LRRK1: variants seen among roughly 807,000 people sequenced by gnomAD.
LRRK1 encodes the protein leucine-rich repeat serine/threonine-protein kinase 1.
A neutral mutation model predicts 209.1 loss-of-function variants in LRRK1; 113 were observed. The observed-to-expected ratio is 0.54, with a 90% CI of 0.46 to 0.63. LRRK1 has a LOEUF of 0.63. Among genes scored for constraint, LRRK1 ranks in the 30% least tolerant of loss-of-function variants. The pLI is 0.00. For missense variants in LRRK1, 2,284 were observed against 2,632.2 expected (o/e 0.87, Z 2.89); for synonymous variants, 1,144 against 1,099.7 (o/e 1.04, Z -0.80).
chr15:100,932,579 T>G (rs552222663), intron 2 of LRRK1, among the ~76,000 whole-genome samples: 9 of 152,286 alleles, frequency 5.9e-5, no homozygotes, highest in African/African-American at 2.2e-4. Context: ...TTAAAAATTA[T>G]CAAAGGAAGG....
chr15:100,962,315 A>C (rs2030037174), intron 2 of LRRK1, among the ~76,000 whole-genome samples: 1 of 152,196 alleles, frequency 6.6e-6, no homozygotes, highest in Non-Finnish European at 1.5e-5. Context: ...GGATCACTTG[A>C]GGTCAGGAGT....
chr15:101,012,171 C>T (rs755452688), intron 10 of LRRK1, 26 bp downstream of exon 10: 1 of 1,571,398 alleles, frequency 6.4e-7, no homozygotes. Flanking sequence ...CTTTCTTTCT[C>T]ATTTTCGGCT....
intron 20 of LRRK1, chr15:101,044,196 A>C (rs1054421447): frequency 3.3e-5 from 5 of 152,332 alleles, no homozygotes; most frequent in African/African-American, 1.2e-4. Context: ...ACCTGCAGTG[A>C]ACCCCTCCAG....
chr15:100,968,302 G>T (rs555192116), intron 2 of LRRK1, among the ~76,000 whole-genome samples: 5 of 152,320 alleles, frequency 3.3e-5, no homozygotes, highest in African/African-American at 9.6e-5. Context: ...GAATAAGGCT[G>T]CTGTGAATAT....
chr15:101,011,356 G>A (rs984538461), intron 9 of LRRK1, among the ~76,000 whole-genome samples: 1 of 151,268 alleles, frequency 6.6e-6, no homozygotes, highest in Non-Finnish European at 1.5e-5. Flanking sequence ...CGTGGCTGTA[G>A]TCCCAGCTAC....
chr15:101,020,495 C>A (rs556263189), intron 12 of LRRK1, among the ~76,000 whole-genome samples: 7 of 151,874 alleles, frequency 4.6e-5, no homozygotes, highest in South Asian at 4.2e-4. Flanking sequence ...CTGCCTCAGC[C>A]CCCCCGAGTA....
chr15:100,938,700 C>CA (rs1567188968), intron 2 of LRRK1, among the ~76,000 whole-genome samples: 1 of 151,996 alleles, frequency 6.6e-6, no homozygotes, highest in East Asian at 1.9e-4. Context: ...ATTTAACATA[C>CA]GTTTAAATGT....
intron 26 of LRRK1, among the ~76,000 whole-genome samples, chr15:101,054,618 C>T (rs960087314): frequency 2.6e-5 from 4 of 152,134 alleles, no homozygotes; most frequent in Non-Finnish European, 4.4e-5. Context: ...ACCAGCCTGG[C>T]CAACATGGTG....
chr15:101,013,258 C>T (rs1358837063), intron 10 of LRRK1, among the ~76,000 whole-genome samples: 1 of 152,136 alleles, frequency 6.6e-6, no homozygotes, highest in Non-Finnish European at 1.5e-5. Flanking sequence ...TGATGGTGGG[C>T]GGTGGCGTGA....
chr15:100,972,743 C>G (rs996646503), intron 2 of LRRK1, among the ~76,000 whole-genome samples: 2 of 152,080 alleles, frequency 1.3e-5, no homozygotes, highest in African/African-American at 4.8e-5. Flanking sequence ...TGCTTGGTCA[C>G]CTTTCACAAC....
intron 2 of LRRK1, among the ~76,000 whole-genome samples, chr15:100,960,434 T>C (rs186450900): frequency 1.3e-5 from 2 of 152,168 alleles, no homozygotes; most frequent in African/African-American, 4.8e-5. Context: ...GGACTGACTG[T>C]GTGTGTGTGT....
Position 101,029,007 on chromosome 15 carries a change from GC to G in LRRK1, c.2740del (p.His914ThrfsTer3). 1 of 1,614,162 alleles carries G rather than the reference GC, an allele frequency of 6.2e-7. No individual in the cohort carries two copies. Among genetic ancestry groups the G allele is most frequent in the Non-Finnish European group, 8.5e-7 (1 of 1,180,022 alleles). ...ACCCTGCTCCATTTCCCGGACACCAGCCACGGCCTGAGGAACCTCTACTTCC... is the reference window on the plus strand; with the variant it reads ...ACCCTGCTCCATTTCCCGGACACCAGCACGGCCTGAGGAACCTCTACTTCC... The part of the protein sequence containing the change: ...TGTLLHFPDT[S>X]HGLRNLYFLD... On this transcript the variant is annotated frameshift_variant, in exon 20 of 34. Coordinates refer to ENST00000388948, the MANE Select transcript of LRRK1 (RefSeq NM_024652.6). LOFTEE classifies it high-confidence loss of function.
Position 101,066,731 on chromosome 15 carries a change from A to G in LRRK1, c.5860A>G (p.Thr1954Ala). The change falls in exon 33 of 34, where the codon ACT (threonine) becomes GCT (alanine). Residue 1954 changes from threonine (T) to alanine (A), a missense_variant. This residue lies in a region of LRRK1 where 643 missense variants were observed against 695.9 expected (regional missense o/e 0.92). Coordinates refer to ENST00000388948, the MANE Select transcript of LRRK1 (RefSeq NM_024652.6). ...TGCCGTCTTAAAAGCCCGAGAGCTGACTCCGCATGGGTAAGACTGAGTGGC... is the reference window on the plus strand; with the variant it reads ...TGCCGTCTTAAAAGCCCGAGAGCTGGCTCCGCATGGGTAAGACTGAGTGGC... ...VIAVLKAREL[T>A]PHGVLVDAAV... 6.2e-7 allele frequency: 1 copy of G among 1,613,774 alleles called. No homozygotes were observed. Among genetic ancestry groups the G allele is most frequent in the Non-Finnish European group, 8.5e-7 (1 of 1,179,750 alleles).
chr15:101,056,767 T>C, intron 27 of LRRK1, 89 bp from the exon 28 acceptor site: 1 of 982,834 alleles, frequency 1.0e-6, no homozygotes, highest in Non-Finnish European at 1.5e-6. Flanking sequence ...CTTGTCTAAT[T>C]GTGTCTCCCT....
At chr15:101,009,189 A>G in intron 7 of LRRK1, 126 bp downstream of exon 7, 1 of 744,174 alleles carries the variant, frequency 1.3e-6, no homozygotes, top group Non-Finnish European at 2.2e-6. Flanking sequence ...TAGGAGAAGG[A>G]GTTTTGCCTA....
chr15:101,060,287 C>G (rs1346339203), intron 29 of LRRK1, among the ~76,000 whole-genome samples: 1 of 152,084 alleles, frequency 6.6e-6, no homozygotes, highest in Non-Finnish European at 1.5e-5. Flanking sequence ...ATTCCAGTTG[C>G]AGGGAACAGG....
intron 2 of LRRK1, among the ~76,000 whole-genome samples, chr15:100,952,289 C>A (rs1424526536): frequency 6.6e-6 from 1 of 152,148 alleles, no homozygotes; most frequent in African/African-American, 2.4e-5. Flanking sequence ...CTGAATTGTA[C>A]ACTTTTAAAT....
intron 2 of LRRK1, among the ~76,000 whole-genome samples, chr15:100,966,005 G>T (rs2030430260): frequency 6.6e-6 from 1 of 152,112 alleles, no homozygotes. Context: ...TTTTTAATAT[G>T]AATTTGAAAT....
intron 27 of LRRK1, among the ~76,000 whole-genome samples, chr15:101,056,638 G>C (rs1378457030): frequency 6.6e-6 from 1 of 152,236 alleles, no homozygotes; most frequent in African/African-American, 2.4e-5. Context: ...TGGATGGATG[G>C]AAAGAAGGAA....
Sources: allele counts gnomAD v4.1 joint callset (sites outside exome capture counted in the v4.1 genomes callset), GRCh38; gene constraint gnomAD v4.1.1; regional missense constraint gnomAD v4.1.1; transcripts MANE v1.5; gene names NCBI Gene and HGNC (gene_info 2026-07-23, HGNC 2026-07-21).